The following MAPK9 variants were observed in gnomAD, a reference collection of about 807,000 sequenced individuals.
The protein encoded by MAPK9 is Jun kinase.
MAPK9 carries 30 observed loss-of-function variants against 57.1 expected under a neutral mutation model. That is an observed-to-expected ratio of 0.53 (90% CI 0.39 to 0.71). MAPK9 has a LOEUF of 0.71. Among genes scored for constraint, MAPK9 ranks in the 30% least tolerant of loss-of-function variants. The pLI is 0.00. For missense variants in MAPK9, 362 were observed against 521.0 expected (o/e 0.69, Z 2.97); for synonymous variants, 155 against 177.0 (o/e 0.88, Z 0.99).
At chr5:180,291,680 G>A (rs949925619) in intron 1 of MAPK9, among the ~76,000 whole-genome samples, 168 bp downstream of exon 1, 1 of 151,406 alleles carries the variant, frequency 6.6e-6, no homozygotes, top group East Asian at 1.9e-4. Flanking sequence ...CCGGGCGGAA[G>A]GGGGCGCCTG....
intron 11 of MAPK9, 185 bp downstream of exon 11, chr5:180,238,147 G>A (rs907909154): frequency 8.8e-6 from 4 of 452,756 alleles, no homozygotes; most frequent in South Asian, 4.4e-5. Flanking sequence ...GCGCGTGCCT[G>A]TAGTCCCAGC....
intron 1 of MAPK9, among the ~76,000 whole-genome samples, chr5:180,282,439 C>T (rs962100054): frequency 2.0e-5 from 3 of 152,120 alleles, no homozygotes; most frequent in East Asian, 1.9e-4. Flanking sequence ...AGTCACAGTG[C>T]GGTAAGGGCC....
At chr5:180,269,205 T>C (rs1761015314) in intron 3 of MAPK9, 75 bp downstream of exon 3, 2 of 1,452,258 alleles carry the variant, frequency 1.4e-6, no homozygotes, top group African/African-American at 2.8e-5. Flanking sequence ...ACTCAATGTA[T>C]CTCCAGAAAA....
chr5:180,258,078 G>C (rs553423240), intron 5 of MAPK9: 1 of 152,374 alleles, frequency 6.6e-6, no homozygotes, highest in Admixed American at 6.5e-5. Flanking sequence ...AATGTGGGAA[G>C]ACATTTAAGT....
At chr5:180,266,512 A>G (rs985346300) in intron 3 of MAPK9, among the ~76,000 whole-genome samples, 1 of 151,828 alleles carries the variant, frequency 6.6e-6, no homozygotes, top group African/African-American at 2.4e-5. Context: ...ACGGGGTTTC[A>G]CCACGCTGGC....
intron 7 of MAPK9, chr5:180,246,346 A>G (rs2127580410): frequency 6.6e-6 from 1 of 152,350 alleles, no homozygotes; most frequent in East Asian, 1.9e-4. Flanking sequence ...GACATATTAT[A>G]TAATCTATGA....
intron 5 of MAPK9, among the ~76,000 whole-genome samples, chr5:180,255,069 C>A (rs1426734801): frequency 6.6e-6 from 1 of 152,124 alleles, no homozygotes; most frequent in Non-Finnish European, 1.5e-5. Context: ...ACTCCGGAGC[C>A]ATGCTAGATG....
At chr5:180,276,778 C>G (rs943951815) in intron 2 of MAPK9, among the ~76,000 whole-genome samples, 1 of 152,194 alleles carries the variant, frequency 6.6e-6, no homozygotes, top group Non-Finnish European at 1.5e-5. Context: ...CACTTGAACC[C>G]GCGAGGCGGA....
rs201477268 is a variant in MAPK9, at chr5:180,267,759, G to A, written c.252+1521C>T. 7.9e-5 allele frequency among the ~76,000 whole-genome samples: 12 copies of A among 152,188 alleles called. No individual in the cohort carries two copies. The East Asian group carries it at 1.3e-3, about 17-fold the overall frequency. ...GCACGCCTATGGTCCCAGCTACTTGGAGGGCTGAGGTGGGAGAATCACAAC... is the reference window on the plus strand; with the variant it reads ...GCACGCCTATGGTCCCAGCTACTTGAAGGGCTGAGGTGGGAGAATCACAAC... On this transcript the variant is annotated intron_variant, in intron 3 of 11. Transcript: ENST00000452135.
chr5:180,235,486 G>C lies in MAPK9; in HGVS notation c.*898C>G, dbSNP rs1432412186. The C allele has an allele frequency of 6.6e-6, 1 of 152,200 alleles. No individual in the cohort carries two copies. Among genetic ancestry groups the C allele is most frequent in the East Asian group, 1.9e-4 (1 of 5,188 alleles). 9.4% of individuals were successfully genotyped at this position (152,200 alleles called of 1,614,324 possible). ...AAATTCCACTCCAACGTTAGGCCAT[G>C]GATGCAGGAACCTATCTGCCATCAT... On this transcript the variant is annotated 3_prime_UTR_variant, in exon 12 of 12. Transcript: ENST00000452135.
chr5:180,248,498 T>G (rs888487091), intron 6 of MAPK9, among the ~76,000 whole-genome samples: 1 of 152,256 alleles, frequency 6.6e-6, no homozygotes, highest in Non-Finnish European at 1.5e-5. Context: ...TAAGTTTTGA[T>G]GTAAAAAGAC....
chr5:180,255,667 G>A lies in MAPK9; in HGVS notation c.450+6017C>T, dbSNP rs17627580. On this transcript the variant is annotated intron_variant, in intron 5 of 11. Coordinates refer to ENST00000452135, the MANE Select transcript of MAPK9 (RefSeq NM_002752.5). ...CTGTGCAAAGCATTTACACGCTCAC[G>A]ATGACGCAACGAGCCAAACACCATC... Among the ~76,000 whole-genome samples the A allele has an allele frequency of 8.2e-3, 1,246 of 152,246 alleles. 15 individuals carry two copies. The highest frequency in any genetic ancestry group is 0.024 in the Admixed American group (367 of 15,278).
At chr5:180,277,840 AT>A (rs1422295706) in intron 2 of MAPK9, among the ~76,000 whole-genome samples, 4 of 152,170 alleles carry the variant, frequency 2.6e-5, no homozygotes, top group Non-Finnish European at 4.4e-5. Flanking sequence ...TTATTTCCCA[AT>A]TCTACTTGGT....
intron 7 of MAPK9, chr5:180,246,196 T>TGAAC (rs1424381225): frequency 1.8e-4 from 27 of 152,352 alleles, no homozygotes; most frequent in South Asian, 6.2e-4. Context: ...ATTATTAGTC[T>TGAAC]TTTAATTTTT....
chr5:180,286,745 A>C (rs565181019), intron 1 of MAPK9, among the ~76,000 whole-genome samples: 2 of 152,210 alleles, frequency 1.3e-5, no homozygotes, highest in Non-Finnish European at 2.9e-5. Flanking sequence ...GCGACAGCAG[A>C]AGCATTCTCC....
chr5:180,237,086 T>A (rs1757231804), intron 11 of MAPK9: 1 of 152,256 alleles, frequency 6.6e-6, no homozygotes, highest in Non-Finnish European at 1.5e-5. Context: ...GACATTTTAA[T>A]CTTTTAAAGC....
chr5:180,277,523 G>T (rs145594435), intron 2 of MAPK9, among the ~76,000 whole-genome samples: 1 of 152,022 alleles, frequency 6.6e-6, no homozygotes, highest in African/African-American at 2.4e-5. Context: ...TAATCACACC[G>T]GCTAAATTCC....
chr5:180,238,042 C>T (rs1427382938), intron 11 of MAPK9: 4 of 210,744 alleles, frequency 1.9e-5, no homozygotes, highest in Non-Finnish European at 3.8e-5. Context: ...GAGGCTGAGG[C>T]GGGCAGATCA....
intron 3 of MAPK9, among the ~76,000 whole-genome samples, chr5:180,268,599 T>A (rs1403000978): frequency 2.7e-4 from 40 of 147,504 alleles, no homozygotes; most frequent in Non-Finnish European, 5.0e-4. Flanking sequence ...AGGCTGAGGC[T>A]GGCGGACCAT....
Sources: gnomAD v4.1 joint callset for allele counts (sites outside exome capture counted in the v4.1 genomes callset) on GRCh38, gnomAD v4.1.1 for gene constraint, MANE v1.5 for transcripts, NCBI Gene and HGNC (gene_info 2026-07-23, HGNC 2026-07-21) for gene names.